The following MAL2 variants were observed in gnomAD, a reference collection of about 807,000 sequenced individuals.
The protein encoded by MAL2 is protein MAL2.
In MAL2, 17 loss-of-function variants were observed where a neutral mutation model predicts 18.1. The observed-to-expected ratio is 0.94, with a 90% confidence interval of 0.64 to 1.41. MAL2 has a LOEUF of 1.41. Among genes scored for constraint, MAL2 ranks in the 40% most tolerant of loss-of-function variants. The pLI is 0.00. For synonymous variants in MAL2, 102 were observed against 102.3 expected (o/e 1.00, Z 0.02); for missense variants, 222 against 231.9 (o/e 0.96, Z 0.28).
chr8:119,235,456 A>G (rs1435002424), intron 2 of MAL2, among the ~76,000 whole-genome samples: 2 of 152,000 alleles, frequency 1.3e-5, no homozygotes, highest in East Asian at 3.9e-4. Context: ...AATGCCACAA[A>G]GATACTCCTC....
chr8:119,243,295 T>C, intron 3 of MAL2, 122 bp from the exon 4 acceptor site: 1 of 583,808 alleles, frequency 1.7e-6, no homozygotes. Flanking sequence ...TAAAATATTT[T>C]TGTAAGTGTC....
chr8:119,225,492 G>A (rs887046814), intron 2 of MAL2, among the ~76,000 whole-genome samples: 1 of 152,178 alleles, frequency 6.6e-6, no homozygotes, highest in African/African-American at 2.4e-5. Flanking sequence ...TGGTGTATAT[G>A]TGCCACATTT....
intron 1 of MAL2, among the ~76,000 whole-genome samples, chr8:119,214,307 G>A (rs1817310598): frequency 6.6e-6 from 1 of 152,218 alleles, no homozygotes; most frequent in South Asian, 2.1e-4. Flanking sequence ...TGCCCAACAT[G>A]TAAACTGCCA....
chr8:119,220,025 C>T (rs1043626446), intron 1 of MAL2, among the ~76,000 whole-genome samples: 29 of 151,872 alleles, frequency 1.9e-4, no homozygotes, highest in African/African-American at 7.0e-4. Flanking sequence ...TTTTTCTCCC[C>T]CTAATACAAA....
In MAL2 at chr8:119,245,466, G is replaced by A. The variant is rs972468598; in HGVS notation, c.*1978G>A. 2 of 152,580 alleles carry A rather than the reference G, an allele frequency of 1.3e-5. No homozygotes were observed. The highest frequency in any genetic ancestry group is 2.9e-5 in the Non-Finnish European group (2 of 68,030). The allele number at this position is 152,580 out of a possible 1,614,324, so 9.5% of individuals were successfully genotyped here. A position where few individuals can be genotyped will look rare whatever the true frequency, so the allele number is the denominator to read the frequency against. ...CAAACCAAGCCTAAGACACATCTGT[G>A]AATACTTAGATTTGTAGCTTAATCA... On this transcript the variant is annotated 3_prime_UTR_variant, in exon 4 of 4. Coordinates refer to ENST00000614891, the MANE Select transcript of MAL2 (RefSeq NM_052886.3).
intron 1 of MAL2, chr8:119,215,322 G>A (rs909984768): frequency 6.6e-6 from 1 of 152,190 alleles, no homozygotes; most frequent in Non-Finnish European, 1.5e-5. Context: ...CCAGACCGGA[G>A]TGTGTTCCTA....
chr8:119,223,320 C>T (rs1563771439), intron 2 of MAL2: 1 of 152,182 alleles, frequency 6.6e-6, no homozygotes, highest in African/African-American at 2.4e-5. Flanking sequence ...GAGCATAGAT[C>T]TGGTTTGCTT....
intron 2 of MAL2, among the ~76,000 whole-genome samples, chr8:119,239,522 A>G (rs1452131196): frequency 2.0e-5 from 3 of 152,024 alleles, no homozygotes; most frequent in East Asian, 3.9e-4. Flanking sequence ...AACCAACCCA[A>G]ATGTCCAACA....
chr8:119,213,845 AC>A (rs1272044272), intron 1 of MAL2, among the ~76,000 whole-genome samples: 2 of 152,076 alleles, frequency 1.3e-5, no homozygotes, highest in African/African-American at 4.8e-5. Context: ...TAAATAAATA[AC>A]CTTTAAAGTT....
At chr8:119,232,876 G>C (rs938673158) in intron 2 of MAL2, among the ~76,000 whole-genome samples, 1 of 152,280 alleles carries the variant, frequency 6.6e-6, no homozygotes, top group East Asian at 1.9e-4. Context: ...AGGTTGTTCA[G>C]TTTCCATGTA....
intron 2 of MAL2, among the ~76,000 whole-genome samples, chr8:119,231,780 T>C (rs140449170): frequency 6.6e-6 from 1 of 152,306 alleles, no homozygotes; most frequent in Non-Finnish European, 1.5e-5. Context: ...ATTTGCAATA[T>C]AGATGAACAT....
rs1418390134 is a variant in MAL2, at chr8:119,208,669, C to G, written c.132+65C>G. 2.4e-6 allele frequency: 3 copies of G among 1,238,280 alleles called. No individual in the cohort carries two copies. The highest frequency in any genetic ancestry group is 3.1e-5 in the African/African-American group (2 of 63,900). 76.7% of individuals were successfully genotyped at this position (1,238,280 alleles called of 1,614,324 possible). ...AGGACAGGCGGCGGCATCCTTGTCC[C>G]CCGGGCTGTCTTCCTCTGCGTCCGC... On this transcript the variant is annotated intron_variant, in intron 1 of 3. Transcript: ENST00000614891. The surrounding 1 kb of genome is among the most constrained non-coding windows in gnomAD (Gnocchi z 4.3).
intron 1 of MAL2, among the ~76,000 whole-genome samples, chr8:119,220,588 ACCT>A (rs1817446828): frequency 6.6e-6 from 1 of 151,988 alleles, no homozygotes; most frequent in African/African-American, 2.4e-5. Flanking sequence ...GAGCTTCAGC[ACCT>A]CCTCGCTCAG....
rs1477342947 is a variant in MAL2 at position 119,243,742 on chromosome 8, C to A, written c.*254C>A. ...CCCCTTTATTTTCCTCCTTTTCTTT[C>A]TGAAAGTTTCCTTTTATGTCCATAA... On this transcript the variant is annotated 3_prime_UTR_variant, in exon 4 of 4. Coordinates refer to ENST00000614891, the MANE Select transcript of MAL2 (RefSeq NM_052886.3). 5 of 333,934 alleles carry A rather than the reference C, an allele frequency of 1.5e-5. No individual in the cohort carries two copies. The highest frequency in any genetic ancestry group is 2.1e-5 in the Non-Finnish European group (4 of 186,106). The allele number at this position is 333,934 out of a possible 1,614,324, so 20.7% of individuals were successfully genotyped here.
In MAL2 at chr8:119,208,384, G is replaced by GAGC. The variant is rs1554637225; in HGVS notation, c.-88_-86dup. ...CGGCGCGCCCGGAGCCCGCGGAGCTGAGCGGCGGCGGCGGCGGCGGCAGGA... is the reference window on the plus strand; with the variant it reads ...CGGCGCGCCCGGAGCCCGCGGAGCTGAGCAGCGGCGGCGGCGGCGGCGGCAGGA... On this transcript the variant is annotated 5_prime_UTR_variant, in exon 1 of 4. Coordinates refer to ENST00000614891, the MANE Select transcript of MAL2 (RefSeq NM_052886.3). The surrounding 1 kb of genome is among the most constrained non-coding windows in gnomAD (Gnocchi z 4.3). The GAGC allele has an allele frequency of 4.2e-6, 3 of 708,582 alleles. No individual in the cohort carries two copies. The East Asian group carries it at 3.7e-4, about 87-fold the overall frequency. 43.9% of individuals were successfully genotyped at this position (708,582 alleles called of 1,614,324 possible).
intron 2 of MAL2, 143 bp from the exon 3 acceptor site, chr8:119,240,022 A>G: frequency 2.2e-6 from 2 of 889,804 alleles, no homozygotes; most frequent in Non-Finnish European, 3.3e-6. Context: ...AACATTTCTA[A>G]AGCAGCTAAG....
intron 2 of MAL2, among the ~76,000 whole-genome samples, chr8:119,224,899 A>G (rs796956070): frequency 3.3e-5 from 5 of 152,228 alleles, no homozygotes; most frequent in African/African-American, 4.8e-5. Context: ...TTCTGGCCCC[A>G]TATTCATTTG....
At chr8:119,219,520 GGT>G (rs143315878) in intron 1 of MAL2, among the ~76,000 whole-genome samples, 7,226 of 147,884 alleles carry the variant, frequency 0.049, 237 homozygotes, top group African/African-American at 0.1. Flanking sequence ...ACTCTCCCTG[GGT>G]GTGTGTGTGT....
chr8:119,213,286 A>T (rs1012785137), intron 1 of MAL2, among the ~76,000 whole-genome samples: 1 of 152,200 alleles, frequency 6.6e-6, no homozygotes, highest in Non-Finnish European at 1.5e-5. Context: ...ATGCAGATAA[A>T]TCTATGAAAG....
Sources: allele counts gnomAD v4.1 joint callset (sites outside exome capture counted in the v4.1 genomes callset), GRCh38; gene constraint gnomAD v4.1.1; non-coding constraint Gnocchi (gnomAD v3.1); transcripts MANE v1.5; gene names NCBI Gene and HGNC (gene_info 2026-07-23, HGNC 2026-07-21).